Variants in HS2ST1 observed in about 807,000 individuals in gnomAD.
HS2ST1 encodes heparan sulfate 2-O-sulfotransferase 1, also known as 2-O-sulfotransferase.
A neutral mutation model predicts 42.9 loss-of-function variants in HS2ST1; 18 were observed. The observed-to-expected ratio is 0.42, with a 90% confidence interval of 0.29 to 0.62. The LOEUF (loss-of-function observed/expected upper bound fraction) is 0.62, where lower values mean the gene tolerates loss of function less well. HS2ST1 is among the 20% of genes least tolerant of loss of function. HS2ST1 has a pLI of 0.21. For missense variants in HS2ST1, 334 were observed against 433.8 expected (o/e 0.77, Z 2.04); for synonymous variants, 146 against 152.9 (o/e 0.95, Z 0.33).
intron 1 of HS2ST1, among the ~76,000 whole-genome samples, chr1:87,043,928 A>G (rs888985981): frequency 1.3e-5 from 2 of 152,040 alleles, no homozygotes; most frequent in African/African-American, 4.8e-5. Flanking sequence ...ATTTAGAAAA[A>G]TGCTTTTGTA....
intron 1 of HS2ST1, among the ~76,000 whole-genome samples, chr1:86,976,309 A>C (rs1006225979): frequency 3.9e-5 from 6 of 152,192 alleles, no homozygotes; most frequent in African/African-American, 1.4e-4. Flanking sequence ...ATGGCAAAGT[A>C]ACTTGCTATT....
At chr1:87,098,158 G>A (rs548971866) in intron 5 of HS2ST1, 52 of 1,035,694 alleles carry the variant, frequency 5.0e-5, no homozygotes, top group South Asian at 6.8e-5. Context: ...CTGAGATGCC[G>A]GTTTTTAGTA....
intron 5 of HS2ST1, among the ~76,000 whole-genome samples, chr1:87,102,355 G>GC (rs1332112796): frequency 6.6e-6 from 1 of 152,056 alleles, no homozygotes; most frequent in Non-Finnish European, 1.5e-5. Context: ...ACCGCACCAG[G>GC]CCCCCAGTCT....
At chr1:86,981,816 G>T (rs139252421) in intron 1 of HS2ST1, among the ~76,000 whole-genome samples, 1 of 152,308 alleles carries the variant, frequency 6.6e-6, no homozygotes, top group Admixed American at 6.5e-5. Flanking sequence ...ACCTTTCTGG[G>T]GTCTGGAGGA....
rs1353975741 is a variant in HS2ST1 at position 86,962,938 on chromosome 1, C to A, written c.124+47778C>A. 1.3e-5 allele frequency among the ~76,000 whole-genome samples: 2 copies of A among 152,200 alleles called. 1 individual carries two copies. The highest frequency in any genetic ancestry group is 4.1e-4 in the South Asian group (2 of 4,822). ...GATTTCTTCAATTGATAATTGATTT[C>A]TTCTCTTCCAAGGTAGTGATTCTCC... On this transcript the variant is annotated intron_variant, in intron 1 of 6. Transcript: ENST00000370550.
chr1:86,964,309 C>T (rs1415608139), intron 1 of HS2ST1, among the ~76,000 whole-genome samples: 2 of 152,322 alleles, frequency 1.3e-5, no homozygotes, highest in East Asian at 3.9e-4. Context: ...GAGGTTGTAG[C>T]TAGCCGAGAT....
rs547874883 is a variant in HS2ST1, at chr1:87,071,496, C to T, written c.125-1438C>T. Among the ~76,000 whole-genome samples, 71 of 151,980 alleles carry T rather than the reference C, an allele frequency of 4.7e-4. 1 individual carries two copies. The South Asian group carries it at 0.011, about 24-fold the overall frequency. On this transcript the variant is annotated intron_variant, in intron 1 of 6. Coordinates refer to ENST00000370550, the MANE Select transcript of HS2ST1 (RefSeq NM_012262.4). ...CTGTAATCCCAGCACTTTGGGAGGC[C>T]GAGGCGGGTGGATCACGAGGTCAGG... is the stretch of plus-strand genomic sequence containing the variant.
chr1:86,965,529 TTC>T (rs1378190138), intron 1 of HS2ST1, among the ~76,000 whole-genome samples: 2 of 152,124 alleles, frequency 1.3e-5, no homozygotes, highest in African/African-American at 2.4e-5. Flanking sequence ...AAACCAGTGG[TTC>T]TCAAGCCTGG....
intron 1 of HS2ST1, among the ~76,000 whole-genome samples, chr1:87,054,879 A>T (rs1168283549): frequency 6.6e-6 from 1 of 152,224 alleles, no homozygotes; most frequent in Non-Finnish European, 1.5e-5. Context: ...CTTGAGCAAG[A>T]ACTAAACTTC....
At chr1:87,006,923 C>T (rs548191158) in intron 1 of HS2ST1, among the ~76,000 whole-genome samples, 47 of 152,156 alleles carry the variant, frequency 3.1e-4, no homozygotes, top group African/African-American at 1.1e-3. Context: ...TTTCATTATA[C>T]GGCTGCTAGT....
chr1:87,044,304 A>G (rs562036465), intron 1 of HS2ST1, among the ~76,000 whole-genome samples: 1 of 152,144 alleles, frequency 6.6e-6, no homozygotes. Context: ...TATTTGGTCC[A>G]TAAGTATAGC....
chr1:87,098,950 G>A (rs1462784875), intron 5 of HS2ST1, among the ~76,000 whole-genome samples: 3 of 152,028 alleles, frequency 2.0e-5, no homozygotes, highest in Non-Finnish European at 4.4e-5. Flanking sequence ...GCTAATTTTT[G>A]TATTTTTAGT....
intron 1 of HS2ST1, among the ~76,000 whole-genome samples, chr1:86,976,618 A>G (rs979168292): frequency 9.4e-5 from 14 of 148,992 alleles, no homozygotes; most frequent in African/African-American, 3.4e-4. Context: ...TTCAAATTAA[A>G]TGCTATGAAA....
intron 1 of HS2ST1, among the ~76,000 whole-genome samples, chr1:86,958,100 T>A (rs1167805118): frequency 6.6e-6 from 1 of 152,146 alleles, no homozygotes; most frequent in Non-Finnish European, 1.5e-5. Flanking sequence ...CTAAGGGGTT[T>A]ATATATAGGT....
At chr1:87,027,395 TAGAA>T (rs1420074054) in intron 1 of HS2ST1, among the ~76,000 whole-genome samples, 6 of 152,196 alleles carry the variant, frequency 3.9e-5, no homozygotes, top group African/African-American at 9.6e-5. Flanking sequence ...TTTAAAATCA[TAGAA>T]AGGAGGAATG....
chr1:87,066,862 G>A (rs1159466959), intron 1 of HS2ST1, among the ~76,000 whole-genome samples: 1 of 152,052 alleles, frequency 6.6e-6, no homozygotes, highest in East Asian at 1.9e-4. Flanking sequence ...GAGAATGATG[G>A]TTTTCAGCTT....
At chr1:87,104,109 T>C (rs897563814) in intron 6 of HS2ST1, among the ~76,000 whole-genome samples, 3 of 152,126 alleles carry the variant, frequency 2.0e-5, no homozygotes, top group Non-Finnish European at 4.4e-5. Flanking sequence ...ATACAGATTA[T>C]GAGAAAATAG....
In HS2ST1 at chr1:87,023,583, T is replaced by C. The variant is rs190826078; in HGVS notation, c.125-49351T>C. Among the ~76,000 whole-genome samples, 11 of 152,282 alleles carry C rather than the reference T, an allele frequency of 7.2e-5. No individual in the cohort carries two copies. In the East Asian group the frequency reaches 1.9e-3, roughly 27 times the overall value. On this transcript the variant is annotated intron_variant, in intron 1 of 6. Transcript: ENST00000370550. The stretch of plus-strand genomic sequence containing the variant: ...ATTAACACTGAGGCATATGCTAGTA[T>C]CTTGATATGCCAGACTCTGAGTTCC...
intron 1 of HS2ST1, among the ~76,000 whole-genome samples, chr1:86,959,271 G>A (rs750494054): frequency 2.0e-5 from 3 of 152,178 alleles, no homozygotes; most frequent in African/African-American, 4.8e-5. Flanking sequence ...AAGGTATACC[G>A]ATTGAGAAGG....
Sources: allele counts gnomAD v4.1 joint callset (sites outside exome capture counted in the v4.1 genomes callset), GRCh38; gene constraint gnomAD v4.1.1; transcripts MANE v1.5; gene names NCBI Gene and HGNC (gene_info 2026-07-23, HGNC 2026-07-21).